RYR2: variants seen among roughly 807,000 people sequenced by gnomAD.
The protein encoded by RYR2 is ryanodine receptor 2, also known as cardiac muscle ryanodine receptor-calcium release channel.
In RYR2, 227 loss-of-function variants were observed where a neutral mutation model predicts 601.1. The ratio of observed to expected loss-of-function variants is 0.38; its 90% CI spans 0.34 to 0.42. RYR2 has a LOEUF of 0.42. Ranked by LOEUF, RYR2 falls within the 10% of genes least tolerant of loss-of-function variation. RYR2 has a pLI of 1.00. For missense variants in RYR2, 4,646 were observed against 6,156.5 expected (o/e 0.75, Z 8.21); for synonymous variants, 2,223 against 2,175.1 (o/e 1.02, Z -0.61).
chr1:237,708,611 A>T lies in RYR2; in HGVS notation c.9902-247A>T, dbSNP rs12127746. Among the ~76,000 whole-genome samples, 8,898 of 151,966 alleles carry T rather than the reference A, an allele frequency of 0.059. 337 individuals carry two copies. Among genetic ancestry groups the T allele is most frequent in the Non-Finnish European group, 0.088 (6,005 of 67,950 alleles). ...AAAATGAGTGAAAGTCTTTTTTTTC[A>T]TTCTAAATTAGCTATCTATTCTAAA... is the stretch of plus-strand genomic sequence containing the variant. On this transcript the variant is annotated intron_variant, in intron 68 of 104. Coordinates refer to ENST00000366574, the MANE Select transcript of RYR2 (RefSeq NM_001035.3).
intron 1 of RYR2, among the ~76,000 whole-genome samples, chr1:237,134,440 CA>C (rs1348484426): frequency 6.6e-6 from 1 of 152,112 alleles, no homozygotes; most frequent in Non-Finnish European, 1.5e-5. Context: ...TCTTATATGG[CA>C]GCAGGCAAGA....
chr1:237,299,683 G>A (rs543464616), intron 2 of RYR2, among the ~76,000 whole-genome samples: 31 of 152,248 alleles, frequency 2.0e-4, no homozygotes, highest in Admixed American at 5.9e-4. Flanking sequence ...ACTTTGACAT[G>A]TTCTGCTAAG....
Position 237,472,320 on chromosome 1 carries a change from T to G in RYR2, c.1708+3133T>G, listed in dbSNP as rs1376524918. On this transcript the variant is annotated intron_variant, in intron 17 of 104. Transcript: ENST00000366574. ...TAGTGCCCTAGCTGCAGATTCAAAC[T>G]GAAGAATTCTTGAGTAGAAAAGGGA... is the stretch of plus-strand genomic sequence containing the variant. 2.6e-5 allele frequency among the ~76,000 whole-genome samples: 4 copies of G among 152,190 alleles called. No individual in the cohort carries two copies. In the East Asian group the frequency reaches 7.7e-4, roughly 29 times the overall value.
chr1:237,061,276 C>CATCTATCATCTATCT (rs1553275502), intron 1 of RYR2, among the ~76,000 whole-genome samples: 3,884 of 98,772 alleles, frequency 0.039, 112 homozygotes, highest in Non-Finnish European at 0.045. Flanking sequence ...ATCCATCTAT[C>CATCTATCATCTATCT]ATCTATCTAT....
intron 2 of RYR2, among the ~76,000 whole-genome samples, chr1:237,321,684 G>A (rs1190233018): frequency 6.6e-6 from 1 of 152,160 alleles, no homozygotes; most frequent in African/African-American, 2.4e-5. Flanking sequence ...GATTTTTAAG[G>A]GGATTTTGGT....
At chr1:237,604,683 A>G (rs1470812250) in intron 35 of RYR2, among the ~76,000 whole-genome samples, 1 of 152,230 alleles carries the variant, frequency 6.6e-6, no homozygotes, top group African/African-American at 2.4e-5. Flanking sequence ...ACCAAGACTA[A>G]TAAAGAAGAA....
At chr1:237,706,784 A>G (rs1207571538) in intron 67 of RYR2, among the ~76,000 whole-genome samples, 165 bp from the exon 68 acceptor site, 1 of 152,144 alleles carries the variant, frequency 6.6e-6, no homozygotes, top group Non-Finnish European at 1.5e-5. Context: ...GAAAGAGAGA[A>G]GCTTTGAAAT....
At chr1:237,437,674 G>C (rs1203773261) in intron 12 of RYR2, among the ~76,000 whole-genome samples, 2 of 152,196 alleles carry the variant, frequency 1.3e-5, no homozygotes, top group African/African-American at 4.8e-5. Flanking sequence ...AACATGCTAT[G>C]AGAGTACATG....
At chr1:237,681,632 C>T (rs1289683794) in intron 62 of RYR2, among the ~76,000 whole-genome samples, 1 of 152,186 alleles carries the variant, frequency 6.6e-6, no homozygotes, top group East Asian at 1.9e-4. Context: ...ATCCCAGCGG[C>T]GTGCTTTGTT....
chr1:237,562,565 C>A (rs967339514), intron 27 of RYR2, among the ~76,000 whole-genome samples: 1 of 152,190 alleles, frequency 6.6e-6, no homozygotes, highest in Non-Finnish European at 1.5e-5. Flanking sequence ...TGGCCTTAAT[C>A]TTGAGGTAGT....
intron 29 of RYR2, among the ~76,000 whole-genome samples, chr1:237,573,300 A>G (rs576762296): frequency 6.6e-6 from 1 of 151,908 alleles, no homozygotes; most frequent in Non-Finnish European, 1.5e-5. Context: ...ATACACACAG[A>G]CACATGCTGT....
chr1:237,467,757 T>C (rs1660242470), intron 16 of RYR2, among the ~76,000 whole-genome samples: 1 of 152,166 alleles, frequency 6.6e-6, no homozygotes, highest in Non-Finnish European at 1.5e-5. Flanking sequence ...ACACTGTAAC[T>C]GTAGGGTCTC....
intron 10 of RYR2, among the ~76,000 whole-genome samples, chr1:237,403,411 C>T (rs552172448): frequency 7.9e-5 from 12 of 152,160 alleles, no homozygotes; most frequent in African/African-American, 1.7e-4. Flanking sequence ...ATTTTATATC[C>T]GGTAACACAG....
intron 25 of RYR2, among the ~76,000 whole-genome samples, chr1:237,543,543 C>T (rs1173897093): frequency 6.6e-6 from 1 of 152,122 alleles, no homozygotes; most frequent in East Asian, 1.9e-4. Flanking sequence ...CTCATTTGTT[C>T]CAAGGTACTT....
intron 79 of RYR2, among the ~76,000 whole-genome samples, chr1:237,735,915 C>T (rs752166981): frequency 6.6e-5 from 10 of 152,224 alleles, no homozygotes; most frequent in East Asian, 1.9e-4. Context: ...TGGTTGACTC[C>T]ATGGATTCAG....
At chr1:237,734,262 A>C (rs1690939995) in intron 79 of RYR2, among the ~76,000 whole-genome samples, 2 of 152,160 alleles carry the variant, frequency 1.3e-5, no homozygotes, top group Admixed American at 1.3e-4. Context: ...CGGAAGGCAA[A>C]GGGGAAGTAA....
At chr1:237,520,653 C>G (rs1320734825) in intron 24 of RYR2, among the ~76,000 whole-genome samples, 1 of 152,066 alleles carries the variant, frequency 6.6e-6, no homozygotes, top group African/African-American at 2.4e-5. Flanking sequence ...TGATAAAAAC[C>G]CACTTAACTC....
intron 84 of RYR2, among the ~76,000 whole-genome samples, chr1:237,769,037 T>C (rs1246088202): frequency 6.6e-6 from 1 of 152,216 alleles, no homozygotes; most frequent in African/African-American, 2.4e-5. Flanking sequence ...CACAGGTAGA[T>C]TATATTTATT....
intron 68 of RYR2, among the ~76,000 whole-genome samples, chr1:237,707,646 T>C (rs559453860): frequency 2.0e-5 from 3 of 152,358 alleles, no homozygotes; most frequent in African/African-American, 7.2e-5. Flanking sequence ...AAATGTAGTC[T>C]AATGTCTACA....
Sources: gnomAD v4.1 joint callset for allele counts (sites outside exome capture counted in the v4.1 genomes callset) on GRCh38, gnomAD v4.1.1 for gene constraint, MANE v1.5 for transcripts, NCBI Gene and HGNC (gene_info 2026-07-23, HGNC 2026-07-21) for gene names.